Variants in PCSK5 observed in about 807,000 individuals in gnomAD.
PCSK5 encodes the protein proprotein convertase subtilisin/kexin type 5.
Under a neutral mutation model 233.2 loss-of-function variants are expected in PCSK5, and 129 were observed. That is an observed-to-expected ratio of 0.55 (90% CI 0.48 to 0.64). The LOEUF is 0.64. Ranked by LOEUF, PCSK5 falls within the 30% of genes least tolerant of loss-of-function variation. PCSK5 has a pLI of 0.00. For missense variants in PCSK5, 2,076 were observed against 2,430.1 expected (o/e 0.85, Z 3.06); for synonymous variants, 825 against 879.2 (o/e 0.94, Z 1.09).
Position 76,184,761 on chromosome 9 carries a change from A to G in PCSK5, c.2282+4A>G. On this transcript the variant is annotated splice_donor_region_variant and intron_variant, in intron 17 of 37. Coordinates refer to ENST00000674117, the MANE Select transcript of PCSK5 (RefSeq NM_001372043.1). The stretch of plus-strand genomic sequence containing the variant: ...CAGAATGTAGGGATGGGTTAAGGTA[A>G]GAGAGTGAAGGATTTTATCAAGTAA... The G allele has an allele frequency of 6.4e-7, 1 of 1,564,192 alleles. No individual in the cohort carries two copies. Among genetic ancestry groups the G allele is most frequent in the Non-Finnish European group, 8.8e-7 (1 of 1,137,244 alleles).
intron 1 of PCSK5, among the ~76,000 whole-genome samples, chr9:75,905,271 G>T (rs1373979281): frequency 1.3e-5 from 2 of 152,160 alleles, no homozygotes; most frequent in Non-Finnish European, 2.9e-5. Context: ...CACTTTGGGA[G>T]GTCAAAGTGG....
At chr9:75,934,096 G>T (rs972530992) in intron 2 of PCSK5, among the ~76,000 whole-genome samples, 2 of 152,124 alleles carry the variant, frequency 1.3e-5, no homozygotes, top group African/African-American at 4.8e-5. Flanking sequence ...TGGCTTATGC[G>T]TGATCCGACA....
At chr9:76,320,428 CAAAAAAAAAAAA>C (rs1220276098) in intron 30 of PCSK5, among the ~76,000 whole-genome samples, 2 of 57,342 alleles carry the variant, frequency 3.5e-5, no homozygotes, top group Non-Finnish European at 6.5e-5. Flanking sequence ...GACTCTGTCT[CAAAAAAAAAAAA>C]AGAAAAAAAA....
chr9:76,133,698 A>G (rs1197608021), intron 9 of PCSK5, among the ~76,000 whole-genome samples: 1 of 152,026 alleles, frequency 6.6e-6, no homozygotes. Context: ...AAACTATTCA[A>G]TGATTAAAGA....
chr9:76,361,849 AC>A lies in PCSK5; in HGVS notation c.*2928del, dbSNP rs1440672399. On this transcript the variant is annotated 3_prime_UTR_variant, in exon 38 of 38. Coordinates refer to ENST00000674117, the MANE Select transcript of PCSK5 (RefSeq NM_001372043.1). ...TCACCTCTGTGGTTGCAGTTAGCTTACAAAAACGAGCAATTTTGCTTATACT... is the reference window on the plus strand; with the variant it reads ...TCACCTCTGTGGTTGCAGTTAGCTTAAAAAACGAGCAATTTTGCTTATACT... 6.6e-6 allele frequency: 1 copy of A among 152,272 alleles called. No individual in the cohort carries two copies. Among genetic ancestry groups the A allele is most frequent in the Non-Finnish European group, 1.5e-5 (1 of 68,046 alleles). 9.4% of individuals were successfully genotyped at this position (152,272 alleles called of 1,614,324 possible). A position where few individuals can be genotyped will look rare whatever the true frequency, so the allele number is the denominator to read the frequency against.
chr9:76,355,152 G>T (rs1284910099), intron 37 of PCSK5, among the ~76,000 whole-genome samples: 2 of 152,118 alleles, frequency 1.3e-5, no homozygotes, highest in Non-Finnish European at 2.9e-5. Context: ...AACTTAGAAA[G>T]ATCTCAAACT....
intron 12 of PCSK5, among the ~76,000 whole-genome samples, chr9:76,169,309 T>G (rs1172728659): frequency 6.6e-6 from 1 of 152,176 alleles, no homozygotes; most frequent in African/African-American, 2.4e-5. Context: ...TGTGTGTAAC[T>G]TTATAGGAAC....
intron 1 of PCSK5, among the ~76,000 whole-genome samples, chr9:75,902,544 A>G (rs933499175): frequency 6.6e-6 from 1 of 152,202 alleles, no homozygotes; most frequent in Non-Finnish European, 1.5e-5. Flanking sequence ...GCTACTAGCT[A>G]GAGTTGTTCT....
At chr9:76,169,872 T>C in intron 13 of PCSK5, 32 bp downstream of exon 13, 1 of 1,580,246 alleles carries the variant, frequency 6.3e-7, no homozygotes, top group African/African-American at 1.3e-5. Flanking sequence ...ATTGTTCTAC[T>C]GTGTAGAAGA....
intron 5 of PCSK5, among the ~76,000 whole-genome samples, chr9:76,029,313 A>G (rs1328889017): frequency 6.6e-6 from 1 of 152,188 alleles, no homozygotes; most frequent in Non-Finnish European, 1.5e-5. Flanking sequence ...AAGATTTGAA[A>G]GCATTAGTTT....
chr9:76,232,551 T>G (rs976359964), intron 21 of PCSK5, among the ~76,000 whole-genome samples: 1 of 152,128 alleles, frequency 6.6e-6, no homozygotes, highest in African/African-American at 2.4e-5. Flanking sequence ...CTCAGCTGCC[T>G]CCCCTTAAGT....
chr9:76,143,281 G>A (rs950642799), intron 10 of PCSK5, among the ~76,000 whole-genome samples: 4 of 152,070 alleles, frequency 2.6e-5, no homozygotes, highest in Admixed American at 6.6e-5. Context: ...TGTACAAAAA[G>A]GACAGGTATG....
intron 5 of PCSK5, among the ~76,000 whole-genome samples, chr9:76,054,303 T>G (rs1004527320): frequency 6.6e-6 from 1 of 152,192 alleles, no homozygotes; most frequent in African/African-American, 2.4e-5. Flanking sequence ...TGCAACATTA[T>G]ATTTGAGAAG....
intron 16 of PCSK5, 129 bp downstream of exon 16, chr9:76,181,720 C>G: frequency 1.6e-6 from 1 of 637,748 alleles, no homozygotes; most frequent in Non-Finnish European, 2.7e-6. Flanking sequence ...CTAGTTCATT[C>G]ATTTTAAGAG....
At chr9:75,933,982 A>G (rs979722500) in intron 2 of PCSK5, among the ~76,000 whole-genome samples, 2 of 152,194 alleles carry the variant, frequency 1.3e-5, no homozygotes, top group African/African-American at 4.8e-5. Flanking sequence ...GTTATGAGGC[A>G]TTATTTTCAT....
intron 9 of PCSK5, among the ~76,000 whole-genome samples, chr9:76,107,970 A>G (rs1448331869): frequency 2.0e-5 from 3 of 152,218 alleles, no homozygotes; most frequent in Non-Finnish European, 4.4e-5. Flanking sequence ...ATACAGATCT[A>G]ATATCTCTTG....
rs71372040 is a variant in PCSK5 at position 76,043,335 on chromosome 9, C to CAAAA, written c.632+16317_632+16320dup. Among the ~76,000 whole-genome samples the CAAAA allele has an allele frequency of 1.4e-3, 91 of 63,936 alleles. 1 individual carries two copies. The highest frequency in any genetic ancestry group is 6.2e-3 in the East Asian group (12 of 1,934). The allele number at this position is 63,936 out of a possible 152,430, so 41.9% of individuals were successfully genotyped here. On this transcript the variant is annotated intron_variant, in intron 5 of 37. Coordinates refer to ENST00000674117, the MANE Select transcript of PCSK5 (RefSeq NM_001372043.1). ...TGGGCGACAGAGCGAGACTCCATCT[C>CAAAA]AAAAAAAAAAAAAAAAAAAAAAGTA...
intron 2 of PCSK5, among the ~76,000 whole-genome samples, chr9:75,980,629 G>T (rs766311149): frequency 6.6e-5 from 10 of 152,096 alleles, no homozygotes; most frequent in South Asian, 2.1e-4. Flanking sequence ...CTTTAAAAAG[G>T]TGACAAAATA....
At chr9:76,275,411 G>A (rs895088714) in intron 24 of PCSK5, among the ~76,000 whole-genome samples, 1 of 152,068 alleles carries the variant, frequency 6.6e-6, no homozygotes, top group South Asian at 2.1e-4. Flanking sequence ...TGCTTCTTTG[G>A]TTTTTTGGGG....
Sources: gnomAD v4.1 joint callset for allele counts (sites outside exome capture counted in the v4.1 genomes callset) on GRCh38, gnomAD v4.1.1 for gene constraint, MANE v1.5 for transcripts, NCBI Gene and HGNC (gene_info 2026-07-23, HGNC 2026-07-21) for gene names.